The following MEGF11 variants were observed in gnomAD, a reference collection of about 807,000 sequenced individuals.
MEGF11 encodes the protein multiple EGF like domains 11.
MEGF11 carries 126 observed loss-of-function variants against 146.6 expected under a neutral mutation model. That is an observed-to-expected ratio of 0.86 (90% CI 0.74 to 1.00). The LOEUF is 1.00. Ranked by LOEUF, MEGF11 falls within the 50% of genes least tolerant of loss-of-function variation. The probability of loss-of-function intolerance (pLI) is 0.00; values close to 1 mark genes in which losing one functional copy is unlikely to be tolerated. For synonymous variants in MEGF11, 532 were observed against 583.4 expected (o/e 0.91, Z 1.27); for missense variants, 1,509 against 1,521.2 (o/e 0.99, Z 0.13).
chr15:66,036,276 T>A (rs1372641214), intron 5 of MEGF11, among the ~76,000 whole-genome samples: 3 of 152,232 alleles, frequency 2.0e-5, no homozygotes, highest in Non-Finnish European at 2.9e-5. Flanking sequence ...CTGGCTTTCC[T>A]CTTCTCTATC....
At chr15:66,019,753 C>T (rs1298334502) in intron 5 of MEGF11, among the ~76,000 whole-genome samples, 1 of 152,216 alleles carries the variant, frequency 6.6e-6, no homozygotes, top group African/African-American at 2.4e-5. Flanking sequence ...CCTCATCTTA[C>T]GACATTCTTA....
intron 5 of MEGF11, among the ~76,000 whole-genome samples, chr15:65,986,839 C>G (rs1434545267): frequency 7.0e-6 from 1 of 142,344 alleles, no homozygotes; most frequent in African/African-American, 2.7e-5. Context: ...ACTCTGTTGC[C>G]TAGGCTGGAG....
intron 1 of MEGF11, among the ~76,000 whole-genome samples, chr15:66,203,257 C>T (rs1016197073): frequency 6.6e-6 from 1 of 152,230 alleles, no homozygotes; most frequent in Non-Finnish European, 1.5e-5. Context: ...GCCACTGATT[C>T]CGAGGGCCCG....
At position 66,054,278 on chromosome 15, in the gene MEGF11, C is replaced by A. The variant is rs77071211; in HGVS notation, c.394+40124G>T. Reference sequence around the variant, plus strand: ...GTACTCTAGCCAACCATGTGAAACACAAAAGCGATCAGGTCCCCTCTTGGT... The same window carrying A: ...GTACTCTAGCCAACCATGTGAAACAAAAAAGCGATCAGGTCCCCTCTTGGT... On this transcript the variant is annotated intron_variant, in intron 5 of 25. Coordinates refer to ENST00000395614, the MANE Select transcript of MEGF11 (RefSeq NM_001385028.1). Among the ~76,000 whole-genome samples the A allele has an allele frequency of 3.5e-3, 536 of 152,310 alleles. 1 individual carries two copies. The highest frequency in any genetic ancestry group is 0.012 in the African/African-American group (516 of 41,548).
At chr15:66,050,285 T>C (rs2084397146) in intron 5 of MEGF11, among the ~76,000 whole-genome samples, 1 of 6,698 alleles carries the variant, frequency 1.5e-4, no homozygotes, top group Admixed American at 3.6e-3. Context: ...ATGCAATACG[T>C]GGAATAGACT....
At chr15:66,010,200 C>T (rs371380606) in intron 5 of MEGF11, among the ~76,000 whole-genome samples, 14 of 137,526 alleles carry the variant, frequency 1.0e-4, no homozygotes, top group East Asian at 4.2e-4. Flanking sequence ...CTCATAATTT[C>T]TTTTTTTTTT....
Position 66,215,801 on chromosome 15 carries a change from A to G in MEGF11, c.-9+37804T>C, listed in dbSNP as rs1204333421. 2.6e-5 allele frequency among the ~76,000 whole-genome samples: 4 copies of G among 152,220 alleles called. No homozygotes were observed. The South Asian group carries it at 6.2e-4, about 24-fold the overall frequency. The stretch of plus-strand genomic sequence containing the variant: ...CTCCACTGGCAGGAGGGAATGAGGG[A>G]CAGAGGACTGCACCCTGAGAGGAAC... On this transcript the variant is annotated intron_variant, in intron 1 of 25. Coordinates refer to ENST00000395614, the MANE Select transcript of MEGF11 (RefSeq NM_001385028.1).
chr15:65,976,128 C>T (rs1479886717), intron 7 of MEGF11, among the ~76,000 whole-genome samples: 3 of 151,448 alleles, frequency 2.0e-5, no homozygotes, highest in African/African-American at 4.9e-5. Flanking sequence ...CTGCAACCTC[C>T]ACCTCCCAGG....
chr15:66,055,667 C>T (rs2084645136), intron 5 of MEGF11, among the ~76,000 whole-genome samples: 1 of 152,228 alleles, frequency 6.6e-6, no homozygotes, highest in Non-Finnish European at 1.5e-5. Context: ...AAGATCTTGC[C>T]TGTGACACAA....
rs181763917 is a variant in MEGF11 at position 65,919,678 on chromosome 15, C to T, written c.1958-1584G>A. ...CAGAGTCTCGCTACGTTGCCCAGGCCGGAGTGCAGTGGTGCAATCTCGGCT... is the reference window on the plus strand; with the variant it reads ...CAGAGTCTCGCTACGTTGCCCAGGCTGGAGTGCAGTGGTGCAATCTCGGCT... On this transcript the variant is annotated intron_variant, in intron 15 of 25. Coordinates refer to ENST00000395614, the MANE Select transcript of MEGF11 (RefSeq NM_001385028.1). Among the ~76,000 whole-genome samples, 628 of 152,276 alleles carry T rather than the reference C, an allele frequency of 4.1e-3. 3 individuals are homozygous for T. Among genetic ancestry groups the T allele is most frequent in the African/African-American group, 0.014 (597 of 41,562 alleles).
At chr15:65,955,757 AAAAAAT>A (rs1343329891) in intron 10 of MEGF11, among the ~76,000 whole-genome samples, 1 of 13,610 alleles carries the variant, frequency 7.3e-5, no homozygotes, top group African/African-American at 1.8e-4. Context: ...AAAAAAAAAA[AAAAAAT>A]ATATATATAT....
chr15:66,159,278 T>C (rs1457556348), intron 1 of MEGF11, among the ~76,000 whole-genome samples: 1 of 152,268 alleles, frequency 6.6e-6, no homozygotes, highest in Non-Finnish European at 1.5e-5. Context: ...TTCCACTTGA[T>C]GGCCAGCGTC....
rs924750392 is a variant in MEGF11 at position 66,001,721 on chromosome 15, A to G, written c.395-19233T>C. Among the ~76,000 whole-genome samples the G allele has an allele frequency of 4.5e-4, 69 of 152,052 alleles. 1 individual carries two copies. Among genetic ancestry groups the G allele is most frequent in the Non-Finnish European group, 1.5e-5 (1 of 67,992 alleles). On this transcript the variant is annotated intron_variant, in intron 5 of 25. Coordinates refer to ENST00000395614, the MANE Select transcript of MEGF11 (RefSeq NM_001385028.1). ...GACTAGGTGAGGCTGTCCCAGACTGACATGCTGGGAGATGTAGGGGGGTAG... is the reference window on the plus strand; with the variant it reads ...GACTAGGTGAGGCTGTCCCAGACTGGCATGCTGGGAGATGTAGGGGGGTAG...
At chr15:66,118,624 GA>G (rs2087851853) in intron 4 of MEGF11, among the ~76,000 whole-genome samples, 1 of 152,036 alleles carries the variant, frequency 6.6e-6, no homozygotes. Flanking sequence ...CTGTGGTTTT[GA>G]CATCCAACAA....
chr15:66,031,625 C>G (rs140829707), intron 5 of MEGF11, among the ~76,000 whole-genome samples: 1 of 152,194 alleles, frequency 6.6e-6, no homozygotes, highest in African/African-American at 2.4e-5. Flanking sequence ...AGAGGCTGAG[C>G]TTGGGCAGAA....
At chr15:65,990,631 A>G (rs1224569598) in intron 5 of MEGF11, among the ~76,000 whole-genome samples, 2 of 75,698 alleles carry the variant, frequency 2.6e-5, no homozygotes, top group Non-Finnish European at 5.8e-5. Context: ...AAAGAAAAAA[A>G]GAGAAAGGAA....
chr15:66,073,159 G>A (rs140852893), intron 5 of MEGF11, among the ~76,000 whole-genome samples: 167 of 152,274 alleles, frequency 1.1e-3, no homozygotes, highest in African/African-American at 3.8e-3. Flanking sequence ...CCTCCGCCTC[G>A]CCAGCCTGAG....
intron 1 of MEGF11, among the ~76,000 whole-genome samples, chr15:66,213,025 T>A (rs1004831345): frequency 1.3e-5 from 2 of 151,982 alleles, no homozygotes; most frequent in African/African-American, 4.8e-5. Context: ...TTTGGTGATA[T>A]CGGGAAATTG....
At chr15:66,113,892 AG>A (rs1269222535) in intron 4 of MEGF11, among the ~76,000 whole-genome samples, 1 of 151,790 alleles carries the variant, frequency 6.6e-6, no homozygotes, top group Non-Finnish European at 1.5e-5. Context: ...AAAAAAAAAA[AG>A]AAAAAGAAAC....
Sources: allele counts gnomAD v4.1 joint callset (sites outside exome capture counted in the v4.1 genomes callset), GRCh38; gene constraint gnomAD v4.1.1; transcripts MANE v1.5; gene names NCBI Gene and HGNC (gene_info 2026-07-23, HGNC 2026-07-21).